The following BBS9 variants were observed in gnomAD, a reference collection of about 807,000 sequenced individuals.
BBS9 encodes the protein Bardet-Biedl syndrome 9.
BBS9 carries 89 observed loss-of-function variants against 117.7 expected under a neutral mutation model. That is an observed-to-expected ratio of 0.76 (90% CI 0.64 to 0.90). The LOEUF is 0.90. Ranked by LOEUF, BBS9 falls within the 40% of genes least tolerant of loss-of-function variation. The pLI, the probability that BBS9 is intolerant of heterozygous loss-of-function variation, is 0.00. For missense variants in BBS9, 982 were observed against 1,042.2 expected (o/e 0.94, Z 0.80); for synonymous variants, 379 against 370.9 (o/e 1.02, Z -0.25).
chr7:33,305,698 T>G (rs987479639), intron 9 of BBS9, among the ~76,000 whole-genome samples: 2 of 152,180 alleles, frequency 1.3e-5, no homozygotes, highest in Non-Finnish European at 2.9e-5. Flanking sequence ...TGGCATATGT[T>G]GCTCATAGTA....
At chr7:33,157,979 T>G (rs1794332568) in intron 4 of BBS9, among the ~76,000 whole-genome samples, 1 of 152,218 alleles carries the variant, frequency 6.6e-6, no homozygotes, top group Admixed American at 6.6e-5. Context: ...AATAAATGGT[T>G]ACAGATGTGT....
At chr7:33,382,103 TA>T (rs1223168295) in intron 17 of BBS9, among the ~76,000 whole-genome samples, 1 of 152,146 alleles carries the variant, frequency 6.6e-6, no homozygotes, top group Non-Finnish European at 1.5e-5. Flanking sequence ...GACATCTGCA[TA>T]ATAGATGGTC....
chr7:33,223,912 T>C (rs1366906021), intron 5 of BBS9, among the ~76,000 whole-genome samples: 1 of 152,242 alleles, frequency 6.6e-6, no homozygotes, highest in Non-Finnish European at 1.5e-5. Context: ...TCTCTTACTT[T>C]ATAGTTGGTA....
intron 7 of BBS9, among the ~76,000 whole-genome samples, chr7:33,272,689 A>T (rs949558405): frequency 6.6e-6 from 1 of 152,116 alleles, no homozygotes; most frequent in Non-Finnish European, 1.5e-5. Flanking sequence ...GTTTTTATGG[A>T]TTATTAAATT....
intron 19 of BBS9, among the ~76,000 whole-genome samples, chr7:33,399,026 A>T (rs1828486957): frequency 6.6e-6 from 1 of 152,210 alleles, no homozygotes; most frequent in South Asian, 2.1e-4. Flanking sequence ...TCATTTCAAC[A>T]TGTAGTAAAA....
intron 4 of BBS9, among the ~76,000 whole-genome samples, chr7:33,166,649 G>T (rs1411817638): frequency 6.6e-6 from 1 of 152,242 alleles, no homozygotes; most frequent in Non-Finnish European, 1.5e-5. Flanking sequence ...GGCTCCATGG[G>T]CGTGGGACCC....
At chr7:33,432,026 C>T (rs1275866823) in intron 19 of BBS9, among the ~76,000 whole-genome samples, 1 of 151,972 alleles carries the variant, frequency 6.6e-6, no homozygotes, top group Admixed American at 6.6e-5. Context: ...TTTATAATAT[C>T]CCTAAGAAAC....
At chr7:33,626,091 G>A (rs1218129526) in intron 21 of BBS9, among the ~76,000 whole-genome samples, 2 of 152,128 alleles carry the variant, frequency 1.3e-5, no homozygotes, top group African/African-American at 2.4e-5. Flanking sequence ...TGGAACATGG[G>A]GGTGGACTTC....
chr7:33,485,316 T>G (rs958214682), intron 19 of BBS9, among the ~76,000 whole-genome samples: 15 of 150,678 alleles, frequency 1.0e-4, no homozygotes, highest in South Asian at 2.1e-4. Flanking sequence ...AAGTTTTTTT[T>G]TTTTTTTTTT....
At chr7:33,274,572 TA>T (rs564801338) in intron 9 of BBS9, among the ~76,000 whole-genome samples, 107 of 152,374 alleles carry the variant, frequency 7.0e-4, no homozygotes, top group African/African-American at 2.5e-3. Flanking sequence ...ATGAACTTTT[TA>T]GCATCTTAGA....
At chr7:33,589,647 A>G (rs1861531816) in intron 21 of BBS9, among the ~76,000 whole-genome samples, 1 of 152,054 alleles carries the variant, frequency 6.6e-6, no homozygotes, top group South Asian at 2.1e-4. Flanking sequence ...GAAAGGGTGG[A>G]GTTGAGATGG....
intron 19 of BBS9, among the ~76,000 whole-genome samples, chr7:33,496,365 CGTG>C (rs1273406707): frequency 6.6e-6 from 1 of 151,976 alleles, no homozygotes; most frequent in Non-Finnish European, 1.5e-5. Context: ...ATTAGCTAGG[CGTG>C]GTGGTGGGCA....
intron 5 of BBS9, among the ~76,000 whole-genome samples, chr7:33,223,687 T>A (rs1260867496): frequency 6.6e-6 from 1 of 152,172 alleles, no homozygotes; most frequent in Non-Finnish European, 1.5e-5. Flanking sequence ...ATTTGTCTTT[T>A]TTTTTTTCAC....
At chr7:33,275,844 G>T (rs550738281) in intron 9 of BBS9, among the ~76,000 whole-genome samples, 2 of 152,070 alleles carry the variant, frequency 1.3e-5, no homozygotes, top group South Asian at 4.1e-4. Context: ...TTTGGTCTAG[G>T]TGCAACTTAT....
In BBS9 at chr7:33,308,292, C is replaced by T. The variant is rs191853421; in HGVS notation, c.1017-28149C>T. On this transcript the variant is annotated intron_variant, in intron 9 of 22. Transcript: ENST00000242067. ...GGAGGACACAGCTCATTCCAGACCCCGCTTCTCTCTTTAGAGAACAAAATA... is the reference window on the plus strand; with the variant it reads ...GGAGGACACAGCTCATTCCAGACCCTGCTTCTCTCTTTAGAGAACAAAATA... Among the ~76,000 whole-genome samples the T allele has an allele frequency of 1.1e-4, 17 of 152,176 alleles. No homozygotes were observed. The East Asian group carries it at 1.7e-3, about 16-fold the overall frequency.
In BBS9 at chr7:33,265,464, C is replaced by CT. The variant is rs923181140; in HGVS notation, c.702+1099dup. 3.5e-3 allele frequency among the ~76,000 whole-genome samples: 523 copies of CT among 151,478 alleles called. 3 individuals carry two copies. Among genetic ancestry groups the CT allele is most frequent in the African/African-American group, 0.012 (497 of 41,326 alleles). ...AGTCAAACAGGTCTTGAGAGCTTTA[C>CT]TTTTTTTTTGAGCAAGTTACAGCAA... is the stretch of plus-strand genomic sequence containing the variant. On this transcript the variant is annotated intron_variant, in intron 7 of 22. Transcript: ENST00000242067.
At position 33,255,722 on chromosome 7, in the gene BBS9, A is replaced by G. The variant is rs2128309355; in HGVS notation, c.443-1514A>G. 1.3e-5 allele frequency among the ~76,000 whole-genome samples: 2 copies of G among 152,358 alleles called. 1 individual carries two copies. The highest frequency in any genetic ancestry group is 4.1e-4 in the South Asian group (2 of 4,822). ...CTGATTGCAGACAGGTAGGTTTGCC[A>G]GATAGCTAGATGAGATTCTTTTTGT... On this transcript the variant is annotated intron_variant, in intron 5 of 22. Coordinates refer to ENST00000242067, the MANE Select transcript of BBS9 (RefSeq NM_198428.3).
At chr7:33,396,445 A>T (rs374810835) in intron 19 of BBS9, among the ~76,000 whole-genome samples, 37 of 152,282 alleles carry the variant, frequency 2.4e-4, no homozygotes, top group Admixed American at 5.2e-4. Flanking sequence ...TCTATAATAG[A>T]TACATTTGCA....
intron 9 of BBS9, among the ~76,000 whole-genome samples, chr7:33,306,259 C>T (rs1187806464): frequency 2.0e-5 from 3 of 151,824 alleles, no homozygotes; most frequent in Admixed American, 1.3e-4. Flanking sequence ...AGAGAAGATG[C>T]TTGATATTAT....
Sources: allele counts gnomAD v4.1 joint callset (sites outside exome capture counted in the v4.1 genomes callset), GRCh38; gene constraint gnomAD v4.1.1; transcripts MANE v1.5; gene names NCBI Gene and HGNC (gene_info 2026-07-23, HGNC 2026-07-21).